The following ZNG1A variants were observed in gnomAD, a reference collection of about 807,000 sequenced individuals.
The protein encoded by ZNG1A is zinc-regulated GTPase metalloprotein activator 1A.
the ZNG1A span, among the ~76,000 whole-genome samples, chr9:143,071 G>C: frequency 2.1e-5 from 3 of 145,742 alleles, no homozygotes; most frequent in Non-Finnish European, 4.5e-5. Context: ...CAACCAAAAA[G>C]AGTCCAGGAC....
chr9:158,847 A>G, the ZNG1A span, among the ~76,000 whole-genome samples: 1 of 152,158 alleles, frequency 6.6e-6, no homozygotes, highest in South Asian at 2.1e-4. Context: ...ACATTTAAAA[A>G]ATAAGTGCAT....
the ZNG1A span, among the ~76,000 whole-genome samples, chr9:163,275 C>G: frequency 0.055 from 8,290 of 150,086 alleles, 306 homozygotes; most frequent in African/African-American, 0.1. Flanking sequence ...TAAAGTAAGA[C>G]AGGAGTGTTT....
the ZNG1A span, among the ~76,000 whole-genome samples, chr9:158,462 C>A: frequency 6.6e-6 from 1 of 150,538 alleles, no homozygotes; most frequent in East Asian, 1.9e-4. Flanking sequence ...GCTTTTTTAA[C>A]GTATGAAATT....
chr9:163,719 C>T, the ZNG1A span, among the ~76,000 whole-genome samples: 5 of 151,636 alleles, frequency 3.3e-5, no homozygotes. Flanking sequence ...GGGTTCAAGA[C>T]CAGTCAGGCC....
At chr9:140,834 A>G in the ZNG1A span, among the ~76,000 whole-genome samples, 2 of 148,942 alleles carry the variant, frequency 1.3e-5, no homozygotes, top group East Asian at 4.0e-4. Flanking sequence ...ACCAATACAG[A>G]GAAGTGCTTA....
the ZNG1A span, chr9:154,867 G>C: frequency 7.3e-7 from 1 of 1,367,782 alleles, no homozygotes; most frequent in Non-Finnish European, 1.0e-6. Context: ...TACATCAAAA[G>C]AGGAATGTTA....
chr9:157,723 T>C, the ZNG1A span, among the ~76,000 whole-genome samples: 13 of 148,310 alleles, frequency 8.8e-5, no homozygotes, highest in South Asian at 2.8e-3. Flanking sequence ...AAATCTTTTA[T>C]GCCACATAAA....
chr9:158,347 G>T, the ZNG1A span, among the ~76,000 whole-genome samples: 98 of 151,948 alleles, frequency 6.4e-4, 6 homozygotes, highest in Admixed American at 3.3e-4. Context: ...ACTTAACAAT[G>T]ATATATTTTT....
the ZNG1A span, among the ~76,000 whole-genome samples, chr9:129,073 G>C: frequency 6.0e-5 from 9 of 151,200 alleles, no homozygotes; most frequent in South Asian, 4.2e-4. Flanking sequence ...ACCTGTTCCA[G>C]TGGAGGCGGT....
the ZNG1A span, among the ~76,000 whole-genome samples, chr9:141,064 AT>A: frequency 7.2e-6 from 1 of 138,326 alleles, no homozygotes; most frequent in Non-Finnish European, 1.5e-5. Context: ...TCTACGTCTG[AT>A]TGGTGTACCT....
the ZNG1A span, chr9:134,854 A>G: frequency 1.5e-6 from 1 of 678,658 alleles, no homozygotes; most frequent in South Asian, 1.9e-5. Context: ...AATTATCAAC[A>G]CAGTTCAAAA....
chr9:139,724 C>T, the ZNG1A span, among the ~76,000 whole-genome samples: 6 of 151,646 alleles, frequency 4.0e-5, no homozygotes, highest in East Asian at 2.0e-4. Flanking sequence ...AGAAGACAGG[C>T]GATTTCTCCA....
chr9:154,900 C>T, the ZNG1A span: 27 of 1,152,612 alleles, frequency 2.3e-5, no homozygotes, highest in South Asian at 4.3e-5. Flanking sequence ...TAAATAAAAA[C>T]GCCTCATGTA....
the ZNG1A span, chr9:173,469 A>G: frequency 5.6e-6 from 7 of 1,241,598 alleles, no homozygotes; most frequent in Middle Eastern, 2.1e-4. Context: ...CAGAAACTGC[A>G]TTTTATAACT....
At chr9:122,354 A>T in the ZNG1A span, 7 of 1,311,238 alleles carry the variant, frequency 5.3e-6, no homozygotes, top group East Asian at 2.1e-4. Context: ...ATATATTAGG[A>T]TGGTTTTTCA....
the ZNG1A span, among the ~76,000 whole-genome samples, chr9:137,592 A>C: frequency 6.6e-6 from 1 of 151,864 alleles, no homozygotes; most frequent in Non-Finnish European, 1.5e-5. Context: ...AGTAAAAAGA[A>C]GAAAAGGATC....
At chr9:124,969 T>G in the ZNG1A span, among the ~76,000 whole-genome samples, 1 of 152,216 alleles carries the variant, frequency 6.6e-6, no homozygotes, top group African/African-American at 2.4e-5. Context: ...GATGGGCCTT[T>G]GGGTTGGTTC....
chr9:134,775 GT>G, the ZNG1A span, among the ~76,000 whole-genome samples: 1 of 107,910 alleles, frequency 9.3e-6, no homozygotes, highest in Non-Finnish European at 1.8e-5. Flanking sequence ...AACAAATCTG[GT>G]TTGATGAATT....
At chr9:129,650 C>G in the ZNG1A span, among the ~76,000 whole-genome samples, 2 of 147,480 alleles carry the variant, frequency 1.4e-5, 1 homozygote, top group African/African-American at 5.1e-5. Flanking sequence ...ACGGTGGTTA[C>G]CAGGGGTGAG....
Sources: gnomAD v4.1 joint callset for allele counts (sites outside exome capture counted in the v4.1 genomes callset) on GRCh38, gnomAD v4.1.1 for gene constraint, MANE v1.5 for transcripts, NCBI Gene and HGNC (gene_info 2026-07-23, HGNC 2026-07-21) for gene names.